The following CAMKMT variants were observed in gnomAD, a reference collection of about 807,000 sequenced individuals.
The protein encoded by CAMKMT is CaM KMT.
CAMKMT carries 53 observed loss-of-function variants against 48.0 expected under a neutral mutation model. The ratio of observed to expected loss-of-function variants is 1.10; its 90% CI spans 0.89 to 1.39. The LOEUF (loss-of-function observed/expected upper bound fraction) is 1.39, where lower values mean the gene tolerates loss of function less well. Among genes scored for constraint, CAMKMT ranks in the 40% most tolerant of loss-of-function variants. CAMKMT has a pLI of 0.00. For missense variants in CAMKMT, 428 were observed against 402.7 expected, an observed-to-expected ratio of 1.06 and a Z score of -0.54; for synonymous variants, 165 against 152.3, an observed-to-expected ratio of 1.08 and a Z score of -0.61.
chr2:44,728,484 A>G (rs1678909391), intron 7 of CAMKMT, among the ~76,000 whole-genome samples: 1 of 152,202 alleles, frequency 6.6e-6, no homozygotes, highest in African/African-American at 2.4e-5. Flanking sequence ...GAATAGTTTC[A>G]GTAGGATTGG....
intron 3 of CAMKMT, among the ~76,000 whole-genome samples, chr2:44,645,763 G>A (rs1316863843): frequency 6.6e-6 from 1 of 152,188 alleles, no homozygotes; most frequent in East Asian, 1.9e-4. Context: ...GGAGGCTGCA[G>A]TGAGCTGAGA....
At position 44,618,870 on chromosome 2, in the gene CAMKMT, T is replaced by C. The variant is rs1242381906; in HGVS notation, c.377-85413T>C. Among the ~76,000 whole-genome samples, 2 of 152,246 alleles carry C rather than the reference T, an allele frequency of 1.3e-5. No homozygotes were observed. Among genetic ancestry groups the C allele is most frequent in the Non-Finnish European group, 2.9e-5 (2 of 68,038 alleles). ...TTTATTCTATTTCATGTATAATTGA[T>C]GACAATGTTTCATGTAATTATTGAT... On this transcript the variant is annotated intron_variant, in intron 3 of 10. Coordinates refer to ENST00000378494, the MANE Select transcript of CAMKMT (RefSeq NM_024766.5). The surrounding 1 kb of genome is among the most constrained non-coding windows in gnomAD (Gnocchi z 4.0).
At chr2:44,533,062 C>G (rs980386167) in intron 3 of CAMKMT, among the ~76,000 whole-genome samples, 3 of 151,990 alleles carry the variant, frequency 2.0e-5, no homozygotes, top group African/African-American at 7.2e-5. Flanking sequence ...GATTCACCCA[C>G]TTCCACCTCC....
At chr2:44,679,485 C>G (rs1444674302) in intron 3 of CAMKMT, among the ~76,000 whole-genome samples, 2 of 152,122 alleles carry the variant, frequency 1.3e-5, no homozygotes, top group African/African-American at 4.8e-5. Context: ...ACTAGTCAGG[C>G]TTCTAGATGG....
intron 3 of CAMKMT, among the ~76,000 whole-genome samples, chr2:44,476,575 G>T (rs698812): frequency 0.81 from 122,968 of 151,596 alleles, 50,235 homozygotes; most frequent in African/African-American, 0.91. Context: ...GTGTAAAGGT[G>T]TTTTTACACT....
chr2:44,549,156 G>A (rs1667568638), intron 3 of CAMKMT, among the ~76,000 whole-genome samples: 1 of 151,848 alleles, frequency 6.6e-6, no homozygotes, highest in Middle Eastern at 3.2e-3. Flanking sequence ...TCTTCTTTCT[G>A]TTGGAGAAAA....
chr2:44,572,689 G>A (rs772508388), intron 3 of CAMKMT, among the ~76,000 whole-genome samples: 20 of 151,730 alleles, frequency 1.3e-4, no homozygotes, highest in South Asian at 4.2e-4. Context: ...TGCTATGTTG[G>A]CTCTTATGAG....
chr2:44,443,370 T>G (rs993914514), intron 3 of CAMKMT, among the ~76,000 whole-genome samples: 2 of 152,210 alleles, frequency 1.3e-5, no homozygotes, highest in South Asian at 2.1e-4. Context: ...ACCATTTTTT[T>G]ATATTGAATA....
At chr2:44,530,986 TG>T (rs1666453491) in intron 3 of CAMKMT, among the ~76,000 whole-genome samples, 2 of 151,930 alleles carry the variant, frequency 1.3e-5, no homozygotes, top group African/African-American at 4.8e-5. Context: ...ATGAACTTGC[TG>T]GGAGTCTGAT....
chr2:44,560,252 C>A (rs972697292), intron 3 of CAMKMT, among the ~76,000 whole-genome samples: 3 of 152,146 alleles, frequency 2.0e-5, no homozygotes, highest in African/African-American at 7.2e-5. Context: ...CTTCTTGGAA[C>A]TAAGAGATAC....
chr2:44,458,868 A>G (rs1293508347), intron 3 of CAMKMT, among the ~76,000 whole-genome samples: 1 of 152,216 alleles, frequency 6.6e-6, no homozygotes, highest in South Asian at 2.1e-4. Flanking sequence ...TCTAAAGGCC[A>G]TACGTAACTG....
chr2:44,722,692 A>G (rs1222885642), intron 7 of CAMKMT, among the ~76,000 whole-genome samples: 1 of 152,186 alleles, frequency 6.6e-6, no homozygotes, highest in Admixed American at 6.5e-5. Context: ...AATAAATGAA[A>G]ACACCAAAAA....
intron 3 of CAMKMT, among the ~76,000 whole-genome samples, chr2:44,448,535 T>C (rs1271740637): frequency 6.6e-6 from 1 of 152,204 alleles, no homozygotes; most frequent in Admixed American, 6.5e-5. Context: ...TTTTGCTAAG[T>C]CTTCACAGCT....
chr2:44,608,790 G>T (rs1253297188), intron 3 of CAMKMT, among the ~76,000 whole-genome samples: 4 of 151,982 alleles, frequency 2.6e-5, no homozygotes, highest in Non-Finnish European at 5.9e-5. Context: ...AGTCATTTTT[G>T]AAGAAAACAG....
intron 3 of CAMKMT, chr2:44,393,389 G>C (rs550902540): frequency 6.6e-6 from 1 of 152,174 alleles, no homozygotes; most frequent in East Asian, 1.9e-4. Flanking sequence ...AAATTAAGAG[G>C]AATCTCGTAC....
intron 3 of CAMKMT, among the ~76,000 whole-genome samples, chr2:44,675,608 T>C (rs1301134885): frequency 6.6e-6 from 1 of 152,244 alleles, no homozygotes; most frequent in Non-Finnish European, 1.5e-5. Context: ...ACATCAACCC[T>C]AGGATATAGA....
chr2:44,385,971 G>A (rs1374179426), intron 2 of CAMKMT, among the ~76,000 whole-genome samples: 1 of 152,084 alleles, frequency 6.6e-6, no homozygotes, highest in East Asian at 1.9e-4. Context: ...TTTGGTATTA[G>A]AGTGATGCTG....
At chr2:44,408,579 C>T (rs1295743052) in intron 3 of CAMKMT, among the ~76,000 whole-genome samples, 2 of 151,968 alleles carry the variant, frequency 1.3e-5, no homozygotes, top group Non-Finnish European at 2.9e-5. Flanking sequence ...CTCAAGGCCA[C>T]TCAGCTAGTT....
chr2:44,611,009 T>C (rs537471337), intron 3 of CAMKMT, among the ~76,000 whole-genome samples: 1 of 152,160 alleles, frequency 6.6e-6, no homozygotes, highest in African/African-American at 2.4e-5. Context: ...AGAGAAGGGC[T>C]TATCAGAGCA....
Sources: gnomAD v4.1 joint callset for allele counts (sites outside exome capture counted in the v4.1 genomes callset) on GRCh38, gnomAD v4.1.1 for gene constraint, Gnocchi (gnomAD v3.1) non-coding constraint, MANE v1.5 for transcripts, NCBI Gene and HGNC (gene_info 2026-07-23, HGNC 2026-07-21) for gene names.